The following KIAA0040 variants were observed in gnomAD, a reference collection of about 807,000 sequenced individuals.
KIAA0040 encodes uncharacterized protein KIAA0040.
KIAA0040 carries 10 observed loss-of-function variants against 7.2 expected under a neutral mutation model. The observed-to-expected ratio is 1.38, with a 90% CI of 0.85 to 2.34. The LOEUF (loss-of-function observed/expected upper bound fraction) is 2.34, where lower values mean the gene tolerates loss of function less well. Ranked by LOEUF, KIAA0040 falls within the 30% of genes most tolerant of loss-of-function variation. KIAA0040 has a pLI of 0.00. For synonymous variants in KIAA0040, 49 were observed against 40.1 expected, an observed-to-expected ratio of 1.22 and a Z score of -0.84; for missense variants, 89 against 108.2, an observed-to-expected ratio of 0.82 and a Z score of 0.79.
chr1:175,164,472 TTA>T (rs1351791002), intron 3 of KIAA0040, among the ~76,000 whole-genome samples: 1 of 152,204 alleles, frequency 6.6e-6, no homozygotes, highest in East Asian at 1.9e-4. Flanking sequence ...TGCATTTGAA[TTA>T]TATGTTTATC....
intron 1 of KIAA0040, among the ~76,000 whole-genome samples, chr1:175,187,963 T>C (rs1055304318): frequency 6.6e-6 from 1 of 152,160 alleles, no homozygotes. Context: ...AGGGTTGTAT[T>C]TGAGGAGAAT....
intron 2 of KIAA0040, among the ~76,000 whole-genome samples, chr1:175,176,055 A>C (rs539772315): frequency 6.6e-6 from 1 of 152,242 alleles, no homozygotes; most frequent in Non-Finnish European, 1.5e-5. Context: ...TAAAACTTGC[A>C]TAATTCTCTT....
At chr1:175,164,567 A>C (rs1676680878) in intron 3 of KIAA0040, among the ~76,000 whole-genome samples, 1 of 152,122 alleles carries the variant, frequency 6.6e-6, no homozygotes, top group East Asian at 1.9e-4. Flanking sequence ...CCTTTGAATA[A>C]ATAGATTTCT....
At chr1:175,187,720 C>T (rs1182095609) in intron 1 of KIAA0040, among the ~76,000 whole-genome samples, 1 of 146,390 alleles carries the variant, frequency 6.8e-6, no homozygotes, top group Non-Finnish European at 1.5e-5. Flanking sequence ...TTCCCTTCCC[C>T]TGCCCTTGAC....
chr1:175,161,216 A>G (rs1436507004), intron 3 of KIAA0040, 70 bp from the exon 4 acceptor site: 1 of 502,014 alleles, frequency 2.0e-6, no homozygotes, highest in East Asian at 3.4e-5. Flanking sequence ...ATAGTGTCAT[A>G]GATTTTAGGC....
At chr1:175,176,966 C>T (rs187704970) in intron 2 of KIAA0040, among the ~76,000 whole-genome samples, 2 of 152,136 alleles carry the variant, frequency 1.3e-5, no homozygotes, top group African/African-American at 4.8e-5. Context: ...CCATATTCAC[C>T]CCCCTCGACA....
chr1:175,184,246 C>T (rs540524628), intron 1 of KIAA0040, among the ~76,000 whole-genome samples: 1 of 152,292 alleles, frequency 6.6e-6, no homozygotes, highest in South Asian at 2.1e-4. Flanking sequence ...GAAGCAATAA[C>T]AAACCTTAAC....
At chr1:175,178,294 T>G (rs1489968563) in intron 1 of KIAA0040, among the ~76,000 whole-genome samples, 1 of 152,216 alleles carries the variant, frequency 6.6e-6, no homozygotes, top group African/African-American at 2.4e-5. Flanking sequence ...GGGCAGCACC[T>G]TCAGTGTGAG....
At chr1:175,163,243 T>G (rs1487000877) in intron 3 of KIAA0040, among the ~76,000 whole-genome samples, 1 of 152,252 alleles carries the variant, frequency 6.6e-6, no homozygotes. Flanking sequence ...CAGATTAACT[T>G]AAATGCTTAT....
chr1:175,189,381 G>A (rs535430468), intron 1 of KIAA0040, among the ~76,000 whole-genome samples: 2 of 152,352 alleles, frequency 1.3e-5, no homozygotes, highest in South Asian at 4.1e-4. Flanking sequence ...TCAGCTGCAA[G>A]TGGGGTGGGT....
At chr1:175,168,091 C>T (rs1206243154) in intron 2 of KIAA0040, among the ~76,000 whole-genome samples, 1 of 152,140 alleles carries the variant, frequency 6.6e-6, no homozygotes, top group African/African-American at 2.4e-5. Flanking sequence ...AACCAAGGCT[C>T]TCTGGCAGCG....
chr1:175,167,301 C>T (rs1465765980), intron 2 of KIAA0040, among the ~76,000 whole-genome samples: 4 of 109,658 alleles, frequency 3.6e-5, no homozygotes, highest in African/African-American at 1.4e-4. Flanking sequence ...AGGTGAAGTT[C>T]TCTACATTTA....
Position 175,158,445 on chromosome 1 carries a change from TC to T in KIAA0040, c.*2268del, listed in dbSNP as rs1212466497. 2.6e-5 allele frequency: 4 copies of T among 152,230 alleles called. No homozygotes were observed. The East Asian group carries it at 7.7e-4, about 29-fold the overall frequency. 9.4% of individuals were successfully genotyped at this position (152,230 alleles called of 1,614,324 possible). ...ACCATGTTACTTGTATGGTCCCGGA[TC>T]CCGGTGATCCGCCCTCCTAGATCAT... On this transcript the variant is annotated 3_prime_UTR_variant, in exon 4 of 4. Transcript: ENST00000423313.
Position 175,160,336 on chromosome 1 carries a change from C to A in KIAA0040, c.*378G>T, listed in dbSNP as rs970820070. 2 of 211,910 alleles carry A rather than the reference C, an allele frequency of 9.4e-6. No homozygotes were observed. The highest frequency in any genetic ancestry group is 2.1e-4 in the South Asian group (2 of 9,734). 13.1% of individuals were successfully genotyped at this position (211,910 alleles called of 1,614,324 possible). On this transcript the variant is annotated 3_prime_UTR_variant, in exon 4 of 4. Coordinates refer to ENST00000423313, the MANE Select transcript of KIAA0040 (RefSeq NM_014656.3). Reference sequence around the variant, plus strand: ...TTGATGAGCAGAATATACTTGCCCACGTACCTGCTACCTGAATTTGTGTGT... The same window carrying A: ...TTGATGAGCAGAATATACTTGCCCAAGTACCTGCTACCTGAATTTGTGTGT...
At chr1:175,182,202 AATTGTTTTCAC>A (rs1677467569) in intron 1 of KIAA0040, among the ~76,000 whole-genome samples, 1 of 152,192 alleles carries the variant, frequency 6.6e-6, no homozygotes, top group Non-Finnish European at 1.5e-5. Context: ...TACAATTTCA[AATTGTTTTCAC>A]ATTTGACTAT....
At chr1:175,181,296 T>C (rs1236035590) in intron 1 of KIAA0040, among the ~76,000 whole-genome samples, 2 of 152,252 alleles carry the variant, frequency 1.3e-5, no homozygotes, top group Admixed American at 6.5e-5. Context: ...CCCTGCTTTT[T>C]TCTGGAGGGA....
chr1:175,161,000 C>G lies in KIAA0040; in HGVS notation c.14G>C (p.Ser5Thr). The change falls in exon 4 of 4, where the codon AGT becomes ACT. Residue 5 changes from serine (S) to threonine (T), a missense_variant. By Grantham distance (58) the Ser-to-Thr change is moderately conservative. Coordinates refer to ENST00000423313, the MANE Select transcript of KIAA0040 (RefSeq NM_014656.3). MERI[S>T]AFFSSIWDTI... ...GTCCCAGATAGAGCTGAAGAAGGCA[C>G]TGATTCTCTCCATGGTGCTTGGCTA... 6.4e-7 allele frequency: 1 copy of G among 1,550,768 alleles called. No individual in the cohort carries two copies. The highest frequency in any genetic ancestry group is 8.7e-7 in the Non-Finnish European group (1 of 1,146,754).
intron 1 of KIAA0040, among the ~76,000 whole-genome samples, chr1:175,183,801 C>A (rs964171751): frequency 6.6e-6 from 1 of 152,096 alleles, no homozygotes; most frequent in South Asian, 2.1e-4. Flanking sequence ...ATGAGAGGGG[C>A]GGGGCTTGCA....
chr1:175,183,054 T>TA (rs1277559047), intron 1 of KIAA0040, among the ~76,000 whole-genome samples: 1 of 152,226 alleles, frequency 6.6e-6, no homozygotes, highest in Non-Finnish European at 1.5e-5. Flanking sequence ...AAGCGCCCTC[T>TA]AAATAGGTGG....
Sources: allele counts gnomAD v4.1 joint callset (sites outside exome capture counted in the v4.1 genomes callset), GRCh38; gene constraint gnomAD v4.1.1; transcripts MANE v1.5; gene names NCBI Gene and HGNC (gene_info 2026-07-23, HGNC 2026-07-21).